ADGB: variants seen among roughly 807,000 people sequenced by gnomAD.
ADGB encodes androglobin.
ADGB carries 172 observed loss-of-function variants against 210.5 expected under a neutral mutation model. That is an observed-to-expected ratio of 0.82 (90% CI 0.72 to 0.93). The LOEUF (loss-of-function observed/expected upper bound fraction) is 0.93. Ranked by LOEUF, ADGB falls within the 40% of genes least tolerant of loss-of-function variation. The probability of loss-of-function intolerance (pLI) is 0.00; values close to 1 mark genes in which losing one functional copy is unlikely to be tolerated. For synonymous variants in ADGB, 658 were observed against 662.7 expected (o/e 0.99, Z 0.11); for missense variants, 2,025 against 1,964.8 (o/e 1.03, Z -0.58).
intron 15 of ADGB, 54 bp from the exon 16 acceptor site, chr6:146,717,482 G>A (rs1454008169): frequency 4.7e-5 from 45 of 950,128 alleles, no homozygotes; most frequent in Non-Finnish European, 6.3e-5. Flanking sequence ...TTAACATGTA[G>A]TACTAGTCTT....
chr6:146,794,708 C>A (rs1156515235), intron 33 of ADGB, among the ~76,000 whole-genome samples: 1 of 151,802 alleles, frequency 6.6e-6, no homozygotes, highest in Non-Finnish European at 1.5e-5. Context: ...CAAGAAGCAA[C>A]AATAAACTAG....
intron 13 of ADGB, among the ~76,000 whole-genome samples, chr6:146,713,025 CTT>C (rs1216646951): frequency 6.6e-6 from 1 of 152,030 alleles, no homozygotes; most frequent in East Asian, 1.9e-4. Context: ...TTGTGATTGA[CTT>C]ATTTCATTTG....
chr6:146,660,549 T>C (rs770903796), intron 5 of ADGB, among the ~76,000 whole-genome samples: 10 of 152,150 alleles, frequency 6.6e-5, no homozygotes, highest in Non-Finnish European at 1.5e-4. Context: ...TTCTTTTCCC[T>C]ACACACAGTC....
At chr6:146,676,758 AAG>A (rs746535980) in intron 9 of ADGB, among the ~76,000 whole-genome samples, 8 of 152,180 alleles carry the variant, frequency 5.3e-5, no homozygotes, top group Non-Finnish European at 8.8e-5. Flanking sequence ...AGTAAATTCA[AAG>A]TTACTTGTTT....
intron 35 of ADGB, chr6:146,802,693 A>T: frequency 1.8e-6 from 2 of 1,090,288 alleles, no homozygotes; most frequent in South Asian, 1.6e-5. Flanking sequence ...AATAGTTTTG[A>T]TTTCTTCCAC....
chr6:146,715,325 G>A (rs973428193), intron 13 of ADGB, 57 bp from the exon 14 acceptor site: 4 of 1,328,606 alleles, frequency 3.0e-6, no homozygotes, highest in Non-Finnish European at 1.0e-6. Context: ...TAACTTTGGT[G>A]CTTTGGATAG....
intron 18 of ADGB, 79 bp from the exon 19 acceptor site, chr6:146,726,004 A>G: frequency 1.2e-6 from 1 of 802,532 alleles, no homozygotes; most frequent in East Asian, 2.8e-5. Flanking sequence ...TGAGTTCCAA[A>G]GTGTGAATAA....
intron 29 of ADGB, among the ~76,000 whole-genome samples, chr6:146,777,473 C>A (rs1262924969): frequency 6.6e-6 from 1 of 152,088 alleles, no homozygotes; most frequent in African/African-American, 2.4e-5. Flanking sequence ...TTATACTCTT[C>A]TAAAAGTAAA....
At chr6:146,717,178 GT>G in intron 15 of ADGB, 109 bp downstream of exon 15, 1 of 900,480 alleles carries the variant, frequency 1.1e-6, no homozygotes, top group Non-Finnish European at 1.6e-6. Context: ...TAATATAGTG[GT>G]TATATAACCT....
intron 27 of ADGB, among the ~76,000 whole-genome samples, chr6:146,761,118 TA>T (rs1212707431): frequency 6.6e-6 from 1 of 152,082 alleles, no homozygotes; most frequent in East Asian, 1.9e-4. Context: ...TTGGAGTTGT[TA>T]AAAAAATTAG....
chr6:146,717,131 G>A (rs188694965), intron 15 of ADGB, 62 bp downstream of exon 15: 2 of 1,299,868 alleles, frequency 1.5e-6, no homozygotes, highest in African/African-American at 3.0e-5. Context: ...AGCTGCATTA[G>A]TATACAAAGT....
chr6:146,755,786 T>C (rs1777398133), intron 27 of ADGB, among the ~76,000 whole-genome samples: 1 of 86,142 alleles, frequency 1.2e-5, no homozygotes, highest in Admixed American at 1.0e-4. Flanking sequence ...GATTACATCT[T>C]CTAGTTGACC....
chr6:146,714,491 G>A (rs1776703695), intron 13 of ADGB, among the ~76,000 whole-genome samples: 1 of 152,180 alleles, frequency 6.6e-6, no homozygotes, highest in African/African-American at 2.4e-5. Flanking sequence ...CTGTACAGTA[G>A]ACTCTTCTAC....
Position 146,721,407 on chromosome 6 carries a change from CAGA to C in ADGB, c.2002_2004del (p.Glu668del), listed in dbSNP as rs1438120801. 2 of 1,542,704 alleles carry C rather than the reference CAGA, an allele frequency of 1.3e-6. No individual in the cohort carries two copies. Among genetic ancestry groups the C allele is most frequent in the African/African-American group, 2.7e-5 (2 of 72,838 alleles). ...AACTGGTCTAATTTCTTGCAGTTCT[CAGA>C]AGAACGAGTGTCCTACTATCTATTT... On this transcript the variant is annotated inframe_deletion, in exon 17 of 36. Coordinates refer to ENST00000397944, the MANE Select transcript of ADGB (RefSeq NM_024694.4).
intron 1 of ADGB, among the ~76,000 whole-genome samples, chr6:146,611,790 G>A (rs1346162274): frequency 1.3e-5 from 2 of 152,014 alleles, no homozygotes; most frequent in East Asian, 3.9e-4. Context: ...CTTGGGAATT[G>A]TTTTTAAAAG....
In ADGB at chr6:146,746,069, C is replaced by T. The variant is rs1323535418; in HGVS notation, c.3325C>T (p.Arg1109Ter). 29 of 1,550,166 alleles carry T rather than the reference C, an allele frequency of 1.9e-5. No homozygotes were observed. Among genetic ancestry groups the T allele is most frequent in the Non-Finnish European group, 2.2e-5 (25 of 1,146,162 alleles). The stretch of plus-strand genomic sequence containing the variant: ...CAATTCCTTTGCCATAAAGGAAATC[C>T]GAGATTACTACATACCCAATGATAA... The part of the protein sequence containing the change: ...PCNSFAIKEI[R>*]DYYIPNDKKI... Residue 1109 changes from arginine (R) to a stop codon, truncating the protein, a stop_gained, in exon 26 of 36, where the codon CGA (arginine) becomes TGA (stop). Transcript: ENST00000397944. LOFTEE classifies it high-confidence loss of function.
chr6:146,763,803 T>C, intron 27 of ADGB, 98 bp from the exon 28 acceptor site: 1 of 1,092,982 alleles, frequency 9.1e-7, no homozygotes, highest in Non-Finnish European at 1.3e-6. Flanking sequence ...AATTGACCTA[T>C]TCCTTTGAGT....
chr6:146,772,445 T>C (rs1777664498), intron 29 of ADGB, among the ~76,000 whole-genome samples: 1 of 145,970 alleles, frequency 6.9e-6, no homozygotes, highest in African/African-American at 2.5e-5. Context: ...ATCACACAGC[T>C]GGTTGCTGGC....
rs1006635836 is a variant in ADGB at position 146,656,995 on chromosome 6, G to A, written c.612+15G>A. ...TTTACTGGATGGTAAGTCCATTTTCGTGTGCATAAAAACTCATGAGTCTTT... is the reference window on the plus strand; with the variant it reads ...TTTACTGGATGGTAAGTCCATTTTCATGTGCATAAAAACTCATGAGTCTTT... On this transcript the variant is annotated intron_variant, in intron 5 of 35. Coordinates refer to ENST00000397944, the MANE Select transcript of ADGB (RefSeq NM_024694.4). The A allele has an allele frequency of 9.8e-6, 15 of 1,537,940 alleles. No homozygotes were observed. Among genetic ancestry groups the A allele is most frequent in the East Asian group, 4.9e-5 (2 of 40,844 alleles).
Sources: allele counts gnomAD v4.1 joint callset (sites outside exome capture counted in the v4.1 genomes callset), GRCh38; gene constraint gnomAD v4.1.1; transcripts MANE v1.5; gene names NCBI Gene and HGNC (gene_info 2026-07-23, HGNC 2026-07-21).